The following LMX1B variants were observed in gnomAD, a reference collection of about 807,000 sequenced individuals.
The protein encoded by LMX1B is LIM homeobox transcription factor 1 beta.
A neutral mutation model predicts 51.4 loss-of-function variants in LMX1B; 12 were observed. That is an observed-to-expected ratio of 0.23 (90% CI 0.15 to 0.38). The LOEUF (loss-of-function observed/expected upper bound fraction) is 0.38, where lower values mean the gene tolerates loss of function less well. Among genes scored for constraint, LMX1B ranks in the 10% least tolerant of loss-of-function variants. The pLI is 1.00. For synonymous variants in LMX1B, 237 were observed against 235.4 expected, an observed-to-expected ratio of 1.01 and a Z score of -0.06; for missense variants, 445 against 571.1, an observed-to-expected ratio of 0.78 and a Z score of 2.25.
chr9:126,700,328 C>G lies in LMX1B; in HGVS notation c.*3877C>G, dbSNP rs1247367514. On this transcript the variant is annotated 3_prime_UTR_variant, in exon 8 of 8. Transcript: ENST00000373474. ...AGGCCCTGGCGCTGCATCAGATGAGCAGGGCCTGGCAGGGACAAGCCTCTT... is the reference window on the plus strand; with the variant it reads ...AGGCCCTGGCGCTGCATCAGATGAGGAGGGCCTGGCAGGGACAAGCCTCTT... 6.6e-6 allele frequency: 1 copy of G among 152,238 alleles called. No homozygotes were observed. The highest frequency in any genetic ancestry group is 2.4e-5 in the African/African-American group (1 of 41,464). The allele number at this position is 152,238 out of a possible 1,614,324, so 9.4% of individuals were successfully genotyped here.
At chr9:126,692,008 AG>A in intron 3 of LMX1B, among the ~76,000 whole-genome samples, 1 of 152,190 alleles carries the variant, frequency 6.6e-6, no homozygotes, top group Non-Finnish European at 1.5e-5. Flanking sequence ...TCCTGGGAAC[AG>A]TGGGGAAGGA....
intron 3 of LMX1B, among the ~76,000 whole-genome samples, chr9:126,692,257 C>A (rs1376890976): frequency 6.6e-6 from 1 of 152,200 alleles, no homozygotes; most frequent in Non-Finnish European, 1.5e-5. Context: ...CTGGCCAGCC[C>A]CAGCAGAGGG....
At chr9:126,678,199 A>G (rs1368954528) in intron 2 of LMX1B, among the ~76,000 whole-genome samples, 2 of 151,916 alleles carry the variant, frequency 1.3e-5, no homozygotes, top group African/African-American at 4.8e-5. Flanking sequence ...AATCCCAGCT[A>G]CTCGGGAGGC....
At chr9:126,624,985 C>CACAGG (rs1401529216) in intron 2 of LMX1B, among the ~76,000 whole-genome samples, 4 of 152,198 alleles carry the variant, frequency 2.6e-5, no homozygotes, top group African/African-American at 9.7e-5. Context: ...ATGTCACGAA[C>CACAGG]ACAAGTACCT....
At chr9:126,659,465 C>T (rs936743502) in intron 2 of LMX1B, among the ~76,000 whole-genome samples, 8 of 152,250 alleles carry the variant, frequency 5.3e-5, no homozygotes, top group African/African-American at 1.7e-4. Context: ...CCCAGCAGGG[C>T]GGGCATGGCC....
intron 2 of LMX1B, among the ~76,000 whole-genome samples, chr9:126,622,690 C>G (rs557568486): frequency 6.6e-6 from 1 of 152,234 alleles, no homozygotes; most frequent in African/African-American, 2.4e-5. Flanking sequence ...TGGGTGTGGG[C>G]GCCAGACCAG....
Position 126,671,680 on chromosome 9 carries a change from C to G in LMX1B, c.327-19156C>G, listed in dbSNP as rs996413844. On this transcript the variant is annotated intron_variant, in intron 2 of 7. Coordinates refer to ENST00000373474, the MANE Select transcript of LMX1B (RefSeq NM_001174147.2). This position sits in a 1 kb window ranked among gnomAD's most constrained non-coding sequence, Gnocchi z 4.4. ...GGGATGAGAGGTCAGCGGGCCTGCC[C>G]TGTGCCGAGCGGTGGAATTTTTCAA... Among the ~76,000 whole-genome samples, 1 of 152,134 alleles carries G rather than the reference C, an allele frequency of 6.6e-6. No individual in the cohort carries two copies. The highest frequency in any genetic ancestry group is 1.5e-5 in the Non-Finnish European group (1 of 68,014).
At chr9:126,648,812 AGGGACTGAAAGTT>A (rs1241185102) in intron 2 of LMX1B, among the ~76,000 whole-genome samples, 2 of 152,148 alleles carry the variant, frequency 1.3e-5, no homozygotes, top group Non-Finnish European at 2.9e-5. Context: ...CTGTGACAGT[AGGGACTGAAAGTT>A]GGGACCAGGT....
intron 2 of LMX1B, among the ~76,000 whole-genome samples, chr9:126,639,489 A>G (rs1258347554): frequency 6.6e-6 from 1 of 152,248 alleles, no homozygotes; most frequent in African/African-American, 2.4e-5. Flanking sequence ...TTCAGCTGCT[A>G]AGGAGTTAAA....
chr9:126,691,101 A>G, intron 3 of LMX1B, 33 bp downstream of exon 3: 1 of 1,552,150 alleles, frequency 6.4e-7, no homozygotes, highest in Non-Finnish European at 8.8e-7. Flanking sequence ...GGCAGGCCTC[A>G]GGGACGGGGG....
At chr9:126,687,655 C>T (rs1439038707) in intron 2 of LMX1B, among the ~76,000 whole-genome samples, 3 of 152,186 alleles carry the variant, frequency 2.0e-5, no homozygotes, top group Admixed American at 6.5e-5. Context: ...ACTGACAACT[C>T]GCTACATCTT....
intron 2 of LMX1B, among the ~76,000 whole-genome samples, chr9:126,660,806 A>G (rs1277908834): frequency 6.6e-6 from 1 of 152,156 alleles, no homozygotes; most frequent in African/African-American, 2.4e-5. Context: ...CTGTGGCGGC[A>G]GCTCCAACCA....
chr9:126,653,067 T>C (rs1836050460), intron 2 of LMX1B, among the ~76,000 whole-genome samples: 1 of 151,966 alleles, frequency 6.6e-6, no homozygotes, highest in African/African-American at 2.4e-5. Flanking sequence ...AGGAGCTGAT[T>C]TAGCTTAAAA....
rs534260407 is a variant in LMX1B at position 126,618,978 on chromosome 9, C to T, written c.326+3409C>T. On this transcript the variant is annotated intron_variant, in intron 2 of 7. Transcript: ENST00000373474. The surrounding 1 kb of genome is among the most constrained non-coding windows in gnomAD (Gnocchi z 4.5). ...TACCTCGGCGGCGGGGCCGCGGCGT[C>T]CTTCCGCCCGCAGGGCCTGCCCGGG... 1.0e-3 allele frequency among the ~76,000 whole-genome samples: 155 copies of T among 152,080 alleles called. No individual in the cohort carries two copies. The highest frequency in any genetic ancestry group is 3.5e-3 in the African/African-American group (146 of 41,514).
rs986243448 is a variant in LMX1B, at chr9:126,687,376, G to A, written c.327-3460G>A. ...CCGGAGTAGCTAGGATTACAGGTGT[G>A]TGCCACCATACCCGGCTAATTTTTT... On this transcript the variant is annotated intron_variant, in intron 2 of 7. Coordinates refer to ENST00000373474, the MANE Select transcript of LMX1B (RefSeq NM_001174147.2). 1.1e-4 allele frequency among the ~76,000 whole-genome samples: 16 copies of A among 152,164 alleles called. 1 individual carries two copies. The highest frequency in any genetic ancestry group is 8.5e-4 in the Admixed American group (13 of 15,290).
At chr9:126,630,415 A>G (rs1270029185) in intron 2 of LMX1B, among the ~76,000 whole-genome samples, 1 of 152,142 alleles carries the variant, frequency 6.6e-6, no homozygotes, top group Non-Finnish European at 1.5e-5. Context: ...TCCTGGCAGT[A>G]GGCAGGGCAC....
In LMX1B at chr9:126,693,335, C is replaced by T. The variant is rs371700655; in HGVS notation, c.741+12C>T. ...AGCCTTGCCGAAAGGTGAGGGGCGG[C>T]CGGGGGGCGGGGCTCAGGCTGATGC... On this transcript the variant is annotated intron_variant, in intron 4 of 7. Transcript: ENST00000373474. The T allele has an allele frequency of 1.9e-6, 3 of 1,584,794 alleles. No individual in the cohort carries two copies. In the African/African-American group the frequency reaches 4.1e-5, roughly 21 times the overall value.
Position 126,614,282 on chromosome 9 carries a change from G to T in LMX1B, c.-168G>T, listed in dbSNP as rs2118817971. Among the ~76,000 whole-genome samples the T allele has an allele frequency of 6.9e-6, 1 of 145,306 alleles. No homozygotes were observed. The highest frequency in any genetic ancestry group is 1.5e-5 in the Non-Finnish European group (1 of 65,420). On this transcript the variant is annotated 5_prime_UTR_variant, in exon 1 of 8. Transcript: ENST00000373474. ...CCCCGGCCCGCCCGCACGACGCCGG[G>T]GCCCGGGGCCAGCGCGTCGCCGCTC...
At position 126,630,161 on chromosome 9, in the gene LMX1B, C is replaced by CAAAAAAAAAA. The variant is rs386416246; in HGVS notation, c.326+14602_326+14611dup. Among the ~76,000 whole-genome samples, 4 of 83,820 alleles carry CAAAAAAAAAA rather than the reference C, an allele frequency of 4.8e-5. 2 individuals carry two copies. The highest frequency in any genetic ancestry group is 9.7e-5 in the African/African-American group (2 of 20,568). The allele number at this position is 83,820 out of a possible 152,430, so 55.0% of individuals were successfully genotyped here. On this transcript the variant is annotated intron_variant, in intron 2 of 7. Transcript: ENST00000373474. ...TGGGCGACAGAGCAAGACTCCGTCT[C>CAAAAAAAAAA]AAAAAAAAAAAAAAAAAAAGCACTA...
Sources: gnomAD v4.1 joint callset for allele counts (sites outside exome capture counted in the v4.1 genomes callset) on GRCh38, gnomAD v4.1.1 for gene constraint, Gnocchi (gnomAD v3.1) non-coding constraint, MANE v1.5 for transcripts, NCBI Gene and HGNC (gene_info 2026-07-23, HGNC 2026-07-21) for gene names.